NALF1: variants seen among roughly 807,000 people sequenced by gnomAD.
NALF1 encodes the protein NALCN channel auxiliary factor 1.
Under a neutral mutation model 48.4 loss-of-function variants are expected in NALF1, and 3 were observed. The observed-to-expected ratio is 0.06, with a 90% CI of 0.03 to 0.16. NALF1 has a LOEUF of 0.16. Among genes scored for constraint, NALF1 ranks in the 10% least tolerant of loss-of-function variants. NALF1 has a pLI of 1.00. For synonymous variants in NALF1, 262 were observed against 245.7 expected, an observed-to-expected ratio of 1.07 and a Z score of -0.62; for missense variants, 526 against 571.5, an observed-to-expected ratio of 0.92 and a Z score of 0.81.
intron 1 of NALF1, among the ~76,000 whole-genome samples, chr13:107,590,789 A>G (rs1878583014): frequency 6.6e-6 from 1 of 151,980 alleles, no homozygotes; most frequent in South Asian, 2.1e-4. Context: ...GGTAACTGAG[A>G]AGAGGCCAAG....
At chr13:107,568,077 A>T (rs528039554) in intron 1 of NALF1, among the ~76,000 whole-genome samples, 1 of 152,292 alleles carries the variant, frequency 6.6e-6, no homozygotes, top group South Asian at 2.1e-4. Context: ...TCATGGGCTC[A>T]AACAATCCTC....
intron 1 of NALF1, among the ~76,000 whole-genome samples, chr13:107,242,166 A>G (rs1880484192): frequency 6.6e-6 from 1 of 152,160 alleles, no homozygotes. Flanking sequence ...AGAGTCTGTA[A>G]ATATATCTTC....
intron 1 of NALF1, among the ~76,000 whole-genome samples, chr13:107,269,221 A>ACAGT (rs1326608820): frequency 1.3e-5 from 2 of 152,104 alleles, no homozygotes; most frequent in Non-Finnish European, 2.9e-5. Flanking sequence ...GGGTGGGAGT[A>ACAGT]CAGTACTTTA....
intron 2 of NALF1, among the ~76,000 whole-genome samples, chr13:107,184,495 G>T (rs1333668359): frequency 1.3e-5 from 2 of 152,136 alleles, no homozygotes; most frequent in Non-Finnish European, 2.9e-5. Context: ...CTTCAAGACT[G>T]TCCTCCACTT....
chr13:107,587,810 G>C (rs924535531), intron 1 of NALF1, among the ~76,000 whole-genome samples: 1 of 152,042 alleles, frequency 6.6e-6, no homozygotes, highest in Non-Finnish European at 1.5e-5. Flanking sequence ...TTTCAACTGG[G>C]CTAGAGGTGA....
intron 1 of NALF1, among the ~76,000 whole-genome samples, chr13:107,792,307 C>T (rs1878270994): frequency 6.6e-6 from 1 of 152,110 alleles, no homozygotes; most frequent in Non-Finnish European, 1.5e-5. Context: ...ATACATATGA[C>T]ATTTAGTAAA....
At chr13:107,757,068 A>C (rs916675331) in intron 1 of NALF1, among the ~76,000 whole-genome samples, 1 of 152,240 alleles carries the variant, frequency 6.6e-6, no homozygotes, top group African/African-American at 2.4e-5. Context: ...ACTTGTGTTA[A>C]CACATACAAA....
At chr13:107,219,234 T>A (rs1313679855) in intron 1 of NALF1, among the ~76,000 whole-genome samples, 1 of 151,612 alleles carries the variant, frequency 6.6e-6, no homozygotes, top group Non-Finnish European at 1.5e-5. Context: ...TTGTGGACTC[T>A]CAGCCAACAA....
At chr13:107,391,182 A>G (rs1883621003) in intron 1 of NALF1, among the ~76,000 whole-genome samples, 1 of 152,088 alleles carries the variant, frequency 6.6e-6, no homozygotes, top group Non-Finnish European at 1.5e-5. Flanking sequence ...AAAGTCCAAG[A>G]TGGGTCCCTG....
At chr13:107,346,795 A>G (rs1027090883) in intron 1 of NALF1, among the ~76,000 whole-genome samples, 1 of 152,176 alleles carries the variant, frequency 6.6e-6, no homozygotes, top group Non-Finnish European at 1.5e-5. Context: ...CATTTGATGG[A>G]TCTATTACCC....
chr13:107,230,209 C>A (rs151250417), intron 1 of NALF1, among the ~76,000 whole-genome samples: 2 of 152,076 alleles, frequency 1.3e-5, no homozygotes, highest in East Asian at 3.9e-4. Flanking sequence ...TGATATGCAA[C>A]CATTTTTGGT....
At chr13:107,258,094 T>A (rs753934844) in intron 1 of NALF1, among the ~76,000 whole-genome samples, 1 of 152,280 alleles carries the variant, frequency 6.6e-6, no homozygotes, top group African/African-American at 2.4e-5. Context: ...TCACATAGAA[T>A]ATACTTTTGG....
chr13:107,462,263 G>A (rs926961738), intron 1 of NALF1, among the ~76,000 whole-genome samples: 7 of 151,800 alleles, frequency 4.6e-5, no homozygotes, highest in South Asian at 2.1e-4. Context: ...TGTGAAGTTC[G>A]AGCAAATACA....
intron 1 of NALF1, among the ~76,000 whole-genome samples, chr13:107,278,410 C>A (rs369201724): frequency 6.6e-6 from 1 of 152,178 alleles, no homozygotes; most frequent in Non-Finnish European, 1.5e-5. Context: ...TGTAAGGCAT[C>A]AGACTGTAAG....
At chr13:107,408,944 A>G (rs1286642805) in intron 1 of NALF1, among the ~76,000 whole-genome samples, 4 of 152,190 alleles carry the variant, frequency 2.6e-5, no homozygotes, top group Admixed American at 6.6e-5. Context: ...CTATTTATAG[A>G]AAACCAAGAA....
intron 1 of NALF1, among the ~76,000 whole-genome samples, chr13:107,445,398 G>T (rs192233245): frequency 1.3e-5 from 2 of 152,252 alleles, no homozygotes; most frequent in East Asian, 1.9e-4. Flanking sequence ...CCATCCATTT[G>T]TATCAATAAT....
At chr13:107,483,464 T>G (rs1302481313) in intron 1 of NALF1, among the ~76,000 whole-genome samples, 1 of 152,208 alleles carries the variant, frequency 6.6e-6, no homozygotes, top group African/African-American at 2.4e-5. Context: ...CCATCTATAA[T>G]ACTTATGATT....
At chr13:107,199,888 T>C (rs1306519970) in intron 2 of NALF1, among the ~76,000 whole-genome samples, 2 of 152,186 alleles carry the variant, frequency 1.3e-5, no homozygotes, top group African/African-American at 2.4e-5. Context: ...GGCGGGAGCA[T>C]TGCAGGCTGT....
intron 2 of NALF1, among the ~76,000 whole-genome samples, chr13:107,178,441 G>T (rs1306549448): frequency 6.6e-6 from 1 of 152,170 alleles, no homozygotes; most frequent in African/African-American, 2.4e-5. Flanking sequence ...TGGCAAACAG[G>T]TATATGAAGA....
Sources: allele counts gnomAD v4.1 joint callset (sites outside exome capture counted in the v4.1 genomes callset), GRCh38; gene constraint gnomAD v4.1.1; transcripts MANE v1.5; gene names NCBI Gene and HGNC (gene_info 2026-07-23, HGNC 2026-07-21).